C2: variants seen among roughly 807,000 people sequenced by gnomAD.
The protein encoded by C2 is C3/C5 convertase.
A neutral mutation model predicts 85.2 loss-of-function variants in C2; 64 were observed. That is an observed-to-expected ratio of 0.75 (90% CI 0.61 to 0.92). The LOEUF is 0.92. Ranked by LOEUF, C2 falls within the 40% of genes least tolerant of loss-of-function variation. C2 has a pLI of 0.00. For missense variants in C2, 820 were observed against 971.6 expected (o/e 0.84, Z 2.07); for synonymous variants, 311 against 370.8 (o/e 0.84, Z 1.85).
intron 1 of C2, among the ~76,000 whole-genome samples, chr6:31,909,646 G>A (rs1401386672): frequency 2.7e-5 from 4 of 150,648 alleles, no homozygotes; most frequent in Non-Finnish European, 3.0e-5. Flanking sequence ...GTGTTTCCCA[G>A]GCTGGTCTCG....
At chr6:31,914,443 T>C (rs1268358774) in intron 1 of C2, among the ~76,000 whole-genome samples, 2 of 147,984 alleles carry the variant, frequency 1.4e-5, no homozygotes, top group Admixed American at 6.8e-5. Context: ...ATACAAAAAT[T>C]AGCTGGGCGT....
In C2 at chr6:31,904,661, C is replaced by T. The variant is rs1401185799; in HGVS notation, c.73+3522C>T. Among the ~76,000 whole-genome samples the T allele has an allele frequency of 5.9e-5, 9 of 152,038 alleles. No homozygotes were observed. The highest frequency in any genetic ancestry group is 2.1e-4 in the South Asian group (1 of 4,816). ...TTTTTCTATCTCATCTCTTCTTTTC[C>T]GCATTGCCAAACTTCTCAGAAGAAT... On this transcript the variant is annotated intron_variant, in intron 1 of 3. Transcript: ENST00000452202. The surrounding 1 kb of genome is among the most constrained non-coding windows in gnomAD (Gnocchi z 4.4).
rs1330499515 is a variant in C2, at chr6:31,907,422, G to GA, written c.73+6295dup. Among the ~76,000 whole-genome samples, 125 of 141,852 alleles carry GA rather than the reference G, an allele frequency of 8.8e-4. 1 individual carries two copies. Among genetic ancestry groups the GA allele is most frequent in the East Asian group, 1.4e-3 (7 of 4,896 alleles). 93.1% of individuals were successfully genotyped at this position (141,852 alleles called of 152,430 possible). A position where few individuals can be genotyped will look rare whatever the true frequency, so the allele number is the denominator to read the frequency against. ...GGCAACAAGGCAAAACCCAGTCTCA[G>GA]AAAAAAAAAAAATAGCTGTGGGAGG... is the stretch of plus-strand genomic sequence containing the variant. On this transcript the variant is annotated intron_variant, in intron 1 of 3. Transcript: ENST00000452202.
rs1200415673 is a variant in C2 at position 31,943,724 on chromosome 6, A to G, written c.1648A>G (p.Lys550Glu). 3 of 1,612,904 alleles carry G rather than the reference A, an allele frequency of 1.9e-6. No homozygotes were observed. Among genetic ancestry groups the G allele is most frequent in the Non-Finnish European group, 2.5e-6 (3 of 1,180,004 alleles). Residue 550 changes from lysine to glutamate, a missense_variant, in exon 13 of 18, where the codon AAG (lysine) becomes GAG (glutamate). Transcript: ENST00000299367. This position sits in a 1 kb window ranked among gnomAD's most constrained non-coding sequence, Gnocchi z 6.4. ...CCCAGGGTTTGATGTCTTTGCCAAA[A>G]AGAACCAGGGAATCCTGGAGTTCTA... is the stretch of plus-strand genomic sequence containing the variant. ...ISPGFDVFAKKNQGILEFYGD... is the reference protein window; with the variant it reads ...ISPGFDVFAKENQGILEFYGD...
At chr6:31,939,152 C>A (rs943646685) in intron 8 of C2, 79 bp from the exon 9 acceptor site, 3 of 1,010,716 alleles carry the variant, frequency 3.0e-6, no homozygotes, top group African/African-American at 3.2e-5. Context: ...GGTTCCCAGG[C>A]TAAATGCTTT....
At position 31,944,254 on chromosome 6, in the gene C2, G is replaced by A; in HGVS notation, c.1902+28G>A. 1 of 1,442,198 alleles carries A rather than the reference G, an allele frequency of 6.9e-7. No homozygotes were observed. Among genetic ancestry groups the A allele is most frequent in the Non-Finnish European group, 9.8e-7 (1 of 1,024,252 alleles). The allele number at this position is 1,442,198 out of a possible 1,614,324, so 89.3% of individuals were successfully genotyped here. A position where few individuals can be genotyped will look rare whatever the true frequency, so the allele number is the denominator to read the frequency against. On this transcript the variant is annotated intron_variant, in intron 15 of 17. Coordinates refer to ENST00000299367, the MANE Select transcript of C2 (RefSeq NM_000063.6). The surrounding 1 kb of genome is among the most constrained non-coding windows in gnomAD (Gnocchi z 5.1). ...GAGGGTCTCAGGTTGGGGATGCTGG[G>A]ATCCCCCTGTGACAGCTCCCAGAAT...
chr6:31,900,967 C>A (rs1190016194), upstream of C2: 1 of 1,614,122 alleles, frequency 6.2e-7, no homozygotes, highest in Non-Finnish European at 8.5e-7. This position sits in a 1 kb window ranked among gnomAD's most constrained non-coding sequence, Gnocchi z 9.7. Flanking sequence ...CCACCACGTG[C>A]TCCATCTGCA....
chr6:31,934,430 C>T (rs1770241751), intron 6 of C2, 131 bp downstream of exon 6: 2 of 1,308,324 alleles, frequency 1.5e-6, no homozygotes, highest in Admixed American at 1.7e-5. Flanking sequence ...TATACTCATG[C>T]CATGTAGGAA....
At chr6:31,927,385 G>T, upstream of C2, 1 of 650,108 alleles carries the variant, frequency 1.5e-6, no homozygotes, top group Non-Finnish European at 2.3e-6. This position sits in a 1 kb window ranked among gnomAD's most constrained non-coding sequence, Gnocchi z 4.7. Context: ...CAAGAGCAAG[G>T]TGCATGTGTG....
rs368924961 is a variant in C2, at chr6:31,944,032, G to A, written c.1810+39G>A. 40 of 1,604,450 alleles carry A rather than the reference G, an allele frequency of 2.5e-5. No homozygotes were observed. The highest frequency in any genetic ancestry group is 1.7e-4 in the Middle Eastern group (1 of 6,046). ...CTTATGGTGCTTGAGAGCTGGGGCC[G>A]GGGTTTGGGGGTGATAACAAGGACT... On this transcript the variant is annotated intron_variant, in intron 14 of 17. Transcript: ENST00000299367. This position sits in a 1 kb window ranked among gnomAD's most constrained non-coding sequence, Gnocchi z 5.1.
At chr6:31,916,753 T>A (rs1286404470), upstream of C2, among the ~76,000 whole-genome samples, 1 of 143,490 alleles carries the variant, frequency 7.0e-6, no homozygotes, top group Non-Finnish European at 1.5e-5. Flanking sequence ...CTCTGCCCTT[T>A]TTTTTTTTTT....
Position 31,944,667 on chromosome 6 carries a change from C to G in C2, c.1903-60C>G. Reference sequence around the variant, plus strand: ...AAGTGCTGAGATTACAGGCGTGAGCCACTGCACCCACCCGGGTCTGCTTAT... The same window carrying G: ...AAGTGCTGAGATTACAGGCGTGAGCGACTGCACCCACCCGGGTCTGCTTAT... On this transcript the variant is annotated intron_variant, in intron 15 of 17. Coordinates refer to ENST00000299367, the MANE Select transcript of C2 (RefSeq NM_000063.6). This position sits in a 1 kb window ranked among gnomAD's most constrained non-coding sequence, Gnocchi z 5.1. 1 of 1,599,984 alleles carries G rather than the reference C, an allele frequency of 6.3e-7. No individual in the cohort carries two copies. The highest frequency in any genetic ancestry group is 8.6e-7 in the Non-Finnish European group (1 of 1,169,256).
chr6:31,927,570 C>G (rs1307343659), upstream of C2: 1 of 1,531,552 alleles, frequency 6.5e-7, no homozygotes, highest in Non-Finnish European at 8.7e-7. The surrounding 1 kb of genome is among the most constrained non-coding windows in gnomAD (Gnocchi z 4.7). Context: ...TTTCACCCTT[C>G]AGTTCAGTCC....
chr6:31,942,820 C>A, intron 9 of C2, 139 bp from the exon 10 acceptor site: 2 of 965,296 alleles, frequency 2.1e-6, no homozygotes, highest in Non-Finnish European at 3.2e-6. Context: ...TGAAGGCAGA[C>A]AGGTAGCAGT....
chr6:31,908,315 G>T (rs1311188802), intron 1 of C2, among the ~76,000 whole-genome samples: 1 of 151,776 alleles, frequency 6.6e-6, no homozygotes, highest in African/African-American at 2.4e-5. Flanking sequence ...TTTTATAAAA[G>T]TTAGAGTCAG....
chr6:31,910,928 C>T (rs977406200), intron 1 of C2, among the ~76,000 whole-genome samples: 4 of 151,646 alleles, frequency 2.6e-5, no homozygotes, highest in Non-Finnish European at 5.9e-5. Context: ...TGCAGTGAGC[C>T]GAGATCGTGC....
intron 1 of C2, among the ~76,000 whole-genome samples, chr6:31,902,598 T>G (rs1399327144): frequency 2.6e-5 from 4 of 152,242 alleles, no homozygotes; most frequent in African/African-American, 9.6e-5. Context: ...GTGCTCACAG[T>G]TGCTCCAGAC....
chr6:31,939,447 C>T (rs1305254571), intron 9 of C2, 127 bp downstream of exon 9: 1 of 709,738 alleles, frequency 1.4e-6, no homozygotes, highest in Non-Finnish European at 2.5e-6. Context: ...TTGTTCTGTA[C>T]AAAGGCAACT....
Position 31,935,119 on chromosome 6 carries a change from C to T in C2, c.850-804C>T. 1 of 965,910 alleles carries T rather than the reference C, an allele frequency of 1.0e-6. No homozygotes were observed. Among genetic ancestry groups the T allele is most frequent in the Non-Finnish European group, 1.2e-6 (1 of 812,090 alleles). The allele number at this position is 965,910 out of a possible 1,614,324, so 59.8% of individuals were successfully genotyped here. On this transcript the variant is annotated intron_variant, in intron 6 of 17. Transcript: ENST00000299367. The surrounding 1 kb of genome is among the most constrained non-coding windows in gnomAD (Gnocchi z 4.3). ...CTTTGTTTTGTAATTGTGCTTTTCA[C>T]AATACTTCATGTAACATTATAGATG...
Sources: allele counts gnomAD v4.1 joint callset (sites outside exome capture counted in the v4.1 genomes callset), GRCh38; gene constraint gnomAD v4.1.1; non-coding constraint Gnocchi (gnomAD v3.1); transcripts MANE v1.5; gene names NCBI Gene and HGNC (gene_info 2026-07-23, HGNC 2026-07-21).